The following NTSR1 variants were observed in gnomAD, a reference collection of about 807,000 sequenced individuals.
NTSR1 encodes neurotensin receptor type 1.
In NTSR1, 29 loss-of-function variants were observed where a neutral mutation model predicts 31.2. The ratio of observed to expected loss-of-function variants is 0.93; its 90% CI spans 0.69 to 1.27. The LOEUF (loss-of-function observed/expected upper bound fraction) is 1.27. NTSR1 is among the 50% of genes most tolerant of loss of function. NTSR1 has a pLI of 0.00. For synonymous variants in NTSR1, 282 were observed against 269.9 expected (o/e 1.04, Z -0.44); for missense variants, 697 against 595.4 (o/e 1.17, Z -1.78).
chr20:62,709,235 A>G lies in NTSR1; in HGVS notation c.28A>G (p.Thr10Ala). The change falls in exon 1 of 4, where the codon ACC (threonine) becomes GCC (alanine). Residue 10 changes from threonine (T) to alanine (A), a missense_variant. Transcript: ENST00000370501. ...GCGCCTCAACAGCTCCGCGCCGGGA[A>G]CCCCGGGCACGCCGGCCGCCGACCC... Reference protein sequence around the residue: MRLNSSAPGTPGTPAADPFQ... With the variant: MRLNSSAPGAPGTPAADPFQ... The G allele has an allele frequency of 1.3e-6, 2 of 1,496,026 alleles. No individual in the cohort carries two copies. The highest frequency in any genetic ancestry group is 2.6e-5 in the South Asian group (2 of 77,262). 92.7% of individuals were successfully genotyped at this position (1,496,026 alleles called of 1,614,324 possible).
intron 1 of NTSR1, among the ~76,000 whole-genome samples, chr20:62,723,076 G>A (rs1175623670): frequency 6.6e-6 from 1 of 152,234 alleles, no homozygotes; most frequent in Non-Finnish European, 1.5e-5. Context: ...CCTGTTGTCT[G>A]TGAAAAGGTG....
chr20:62,734,944 TGAG>T (rs1327795127), intron 1 of NTSR1, among the ~76,000 whole-genome samples: 1 of 152,202 alleles, frequency 6.6e-6, no homozygotes, highest in Non-Finnish European at 1.5e-5. Context: ...TCCCTGCTGA[TGAG>T]AAGCAGCCCT....
rs59903116 is a variant in NTSR1 at position 62,760,402 on chromosome 20, A to ACCCCCCCCCCCCCCCCCCCCCCCCC, written c.*143_*144insCCCCCCCCCCCCCCCCCCCCCCCCC. 1.2e-6 allele frequency: 1 copy of ACCCCCCCCCCCCCCCCCCCCCCCCC among 861,404 alleles called. No homozygotes were observed. The highest frequency in any genetic ancestry group is 2.3e-5 in the African/African-American group (1 of 44,056). The allele number at this position is 861,404 out of a possible 1,614,324, so 53.4% of individuals were successfully genotyped here. ...CCTGCACTGGAGTCTGAGGCCTGGG[A>ACCCCCCCCCCCCCCCCCCCCCCCCC]CCCCCCCCTCCCACCCCCTAACCCA... On this transcript the variant is annotated 3_prime_UTR_variant, in exon 4 of 4. Transcript: ENST00000370501.
chr20:62,759,040 C>T (rs1989563806), intron 3 of NTSR1, among the ~76,000 whole-genome samples: 1 of 152,236 alleles, frequency 6.6e-6, no homozygotes, highest in Non-Finnish European at 1.5e-5. Flanking sequence ...AGCCAGAGGC[C>T]AGCCTTGCCA....
rs1989205861 is a variant in NTSR1 at position 62,741,471 on chromosome 20, G to A, written c.715-13214G>A. Reference sequence around the variant, plus strand: ...TGCAGGTGGCCAGAGTTCTCCTGATGGGGTCCTTGCCCCCAGCTGGCTTGG... The same window carrying A: ...TGCAGGTGGCCAGAGTTCTCCTGATAGGGTCCTTGCCCCCAGCTGGCTTGG... On this transcript the variant is annotated intron_variant, in intron 1 of 3. Transcript: ENST00000370501. The surrounding 1 kb of genome is among the most constrained non-coding windows in gnomAD (Gnocchi z 4.3). Among the ~76,000 whole-genome samples, 1 of 149,520 alleles carries A rather than the reference G, an allele frequency of 6.7e-6. No homozygotes were observed. Among genetic ancestry groups the A allele is most frequent in the Admixed American group, 6.7e-5 (1 of 14,918 alleles).
In NTSR1 at chr20:62,724,237, C is replaced by T. The variant is rs571607897; in HGVS notation, c.714+14316C>T. On this transcript the variant is annotated intron_variant, in intron 1 of 3. Transcript: ENST00000370501. Reference sequence around the variant, plus strand: ...CAGCTCAGAGGGCAGCAGCTCTCAGCAGAGCCCTGGGACAGTGGGGCCCCT... The same window carrying T: ...CAGCTCAGAGGGCAGCAGCTCTCAGTAGAGCCCTGGGACAGTGGGGCCCCT... Among the ~76,000 whole-genome samples the T allele has an allele frequency of 6.9e-3, 1,044 of 152,294 alleles. 10 individuals carry two copies. Among genetic ancestry groups the T allele is most frequent in the South Asian group, 0.017 (81 of 4,826 alleles).
At chr20:62,718,218 G>A (rs1988768596) in intron 1 of NTSR1, among the ~76,000 whole-genome samples, 1 of 152,156 alleles carries the variant, frequency 6.6e-6, no homozygotes, top group Non-Finnish European at 1.5e-5. Flanking sequence ...TCTGAGCAGA[G>A]CCGCCACGTG....
chr20:62,714,145 G>A lies in NTSR1; in HGVS notation c.714+4224G>A, dbSNP rs1988669576. On this transcript the variant is annotated intron_variant, in intron 1 of 3. Coordinates refer to ENST00000370501, the MANE Select transcript of NTSR1 (RefSeq NM_002531.3). This position sits in a 1 kb window ranked among gnomAD's most constrained non-coding sequence, Gnocchi z 4.1. Reference sequence around the variant, plus strand: ...TTCAAGGGGTCCTTAGGAACAGCCTGCTCCACTCTGACCTCCCGTGAGGAC... The same window carrying A: ...TTCAAGGGGTCCTTAGGAACAGCCTACTCCACTCTGACCTCCCGTGAGGAC... Among the ~76,000 whole-genome samples, 1 of 152,336 alleles carries A rather than the reference G, an allele frequency of 6.6e-6. No individual in the cohort carries two copies. Among genetic ancestry groups the A allele is most frequent in the South Asian group, 2.1e-4 (1 of 4,832 alleles).
chr20:62,716,483 G>A (rs1343228448), intron 1 of NTSR1, among the ~76,000 whole-genome samples: 1 of 80,622 alleles, frequency 1.2e-5, no homozygotes, highest in East Asian at 8.6e-4. Context: ...TCTTCGTTGT[G>A]GATCATAGCT....
At chr20:62,729,771 G>T (rs917663800) in intron 1 of NTSR1, among the ~76,000 whole-genome samples, 1 of 151,508 alleles carries the variant, frequency 6.6e-6, no homozygotes, top group East Asian at 1.9e-4. Context: ...ACAGGAGCCC[G>T]CCACCTCCCT....
At chr20:62,747,753 C>T (rs556614393) in intron 1 of NTSR1, among the ~76,000 whole-genome samples, 1 of 144,138 alleles carries the variant, frequency 6.9e-6, no homozygotes, top group South Asian at 2.2e-4. Context: ...AAAGACTCCA[C>T]AAAAACAAAA....
At chr20:62,710,422 T>C (rs1988584516) in intron 1 of NTSR1, among the ~76,000 whole-genome samples, 1 of 152,132 alleles carries the variant, frequency 6.6e-6, no homozygotes, top group African/African-American at 2.4e-5. Context: ...AGCTTTCCCA[T>C]CTGTGTGATG....
chr20:62,735,501 G>A (rs1343868176), intron 1 of NTSR1, among the ~76,000 whole-genome samples: 1 of 152,250 alleles, frequency 6.6e-6, no homozygotes, highest in East Asian at 1.9e-4. Flanking sequence ...CAGCACCGCT[G>A]TGCACGCTGG....
Position 62,709,707 on chromosome 20 carries a change from A to G in NTSR1, c.500A>G (p.Tyr167Cys). 6.2e-7 allele frequency: 1 copy of G among 1,612,664 alleles called. No homozygotes were observed. The highest frequency in any genetic ancestry group is 8.5e-7 in the Non-Finnish European group (1 of 1,179,842). Residue 167 changes from tyrosine (Y) to cysteine (C), a missense_variant, in exon 1 of 4, where the codon TAC becomes TGC. Transcript: ENST00000370501. ...GTGGCCAGCCTGAGTGTGGAGCGCT[A>G]CCTGGCCATCTGCCACCCCTTCAAG... ...LNVASLSVER[Y>C]LAICHPFKAK...
chr20:62,736,056 T>C (rs11904939), intron 1 of NTSR1, among the ~76,000 whole-genome samples: 17,342 of 152,238 alleles, frequency 0.11, 2,417 homozygotes, highest in African/African-American at 0.31. Context: ...TCGATAGAAA[T>C]CAGTATGTGG....
intron 1 of NTSR1, among the ~76,000 whole-genome samples, chr20:62,752,374 G>A (rs1223641551): frequency 2.0e-5 from 3 of 151,820 alleles, no homozygotes; most frequent in African/African-American, 4.8e-5. Flanking sequence ...CGTCTGGGAA[G>A]AGAAGGCCGG....
chr20:62,746,948 G>C (rs1027460356), intron 1 of NTSR1, among the ~76,000 whole-genome samples: 1 of 152,228 alleles, frequency 6.6e-6, no homozygotes, highest in Non-Finnish European at 1.5e-5. Context: ...ACCAAAGCCA[G>C]AGAAGGACGC....
chr20:62,730,837 T>C (rs1988990133), intron 1 of NTSR1, among the ~76,000 whole-genome samples: 2 of 152,370 alleles, frequency 1.3e-5, no homozygotes, highest in South Asian at 4.1e-4. Flanking sequence ...TGACATATGA[T>C]GTGGAGCATT....
Position 62,714,564 on chromosome 20 carries a change from G to A in NTSR1, c.714+4643G>A, listed in dbSNP as rs1988677735. ...AGTTAGGTGTGAGGTGAGCCCTGGT[G>A]TGCACACAGCCTCGTGGCATCCTTG... is the stretch of plus-strand genomic sequence containing the variant. On this transcript the variant is annotated intron_variant, in intron 1 of 3. Coordinates refer to ENST00000370501, the MANE Select transcript of NTSR1 (RefSeq NM_002531.3). This position sits in a 1 kb window ranked among gnomAD's most constrained non-coding sequence, Gnocchi z 4.1. Among the ~76,000 whole-genome samples, 1 of 152,168 alleles carries A rather than the reference G, an allele frequency of 6.6e-6. No individual in the cohort carries two copies. Among genetic ancestry groups the A allele is most frequent in the Non-Finnish European group, 1.5e-5 (1 of 68,022 alleles).
Sources: allele counts gnomAD v4.1 joint callset (sites outside exome capture counted in the v4.1 genomes callset), GRCh38; gene constraint gnomAD v4.1.1; non-coding constraint Gnocchi (gnomAD v3.1); transcripts MANE v1.5; gene names NCBI Gene and HGNC (gene_info 2026-07-23, HGNC 2026-07-21).